Variants in DCXR observed in about 807,000 individuals in gnomAD.
DCXR encodes dicarbonyl and L-xylulose reductase.
DCXR carries 24 observed loss-of-function variants against 25.9 expected under a neutral mutation model. That is an observed-to-expected ratio of 0.93 (90% CI 0.67 to 1.30). The LOEUF (loss-of-function observed/expected upper bound fraction) is 1.30. Ranked by LOEUF, DCXR falls within the 50% of genes most tolerant of loss-of-function variation. The probability of loss-of-function intolerance (pLI) is 0.00; values close to 1 mark genes in which losing one functional copy is unlikely to be tolerated. For synonymous variants in DCXR, 161 were observed against 141.7 expected (o/e 1.14, Z -0.97); for missense variants, 348 against 333.7 (o/e 1.04, Z -0.33).
Position 82,037,008 on chromosome 17 carries a change from C to T in DCXR, c.156G>A (p.Pro52=), listed in dbSNP as rs1169998172. 3 of 1,560,910 alleles carry T rather than the reference C, an allele frequency of 1.9e-6. No individual in the cohort carries two copies. Among genetic ancestry groups the T allele is most frequent in the South Asian group, 2.3e-5 (2 of 85,462 alleles). ...ADLDSLVREC[P]GIEPVCVDLG... ...GGTCCACGCACACGGGTTCTATCCCCGGGCACTGTGTGTATCAGGGGGCAG... is the reference window on the plus strand; with the variant it reads ...GGTCCACGCACACGGGTTCTATCCCTGGGCACTGTGTGTATCAGGGGGCAG... Residue 52 remains proline, a synonymous_variant, in exon 3 of 8, where the codon CCG becomes CCA. Transcript: ENST00000306869.
In DCXR at chr17:82,036,319, A is replaced by T. The variant is rs2043490904; in HGVS notation, c.514-11T>A. 6.2e-7 allele frequency: 1 copy of T among 1,613,270 alleles called. No homozygotes were observed. Among genetic ancestry groups the T allele is most frequent in the Non-Finnish European group, 8.5e-7 (1 of 1,179,998 alleles). ...TGCATTCACTCGGATCTACACCGGG[A>T]CAGCTGGGGTCAGCAGGGCAAGTGG... is the stretch of plus-strand genomic sequence containing the variant. On this transcript the variant is annotated splice_polypyrimidine_tract_variant and intron_variant, in intron 6 of 7. Transcript: ENST00000306869.
Position 82,035,883 on chromosome 17 carries a change from GGCA to G in DCXR, c.*74_*76del. The G allele has an allele frequency of 7.6e-7, 1 of 1,323,110 alleles. No homozygotes were observed. The highest frequency in any genetic ancestry group is 1.2e-5 in the South Asian group (1 of 83,320). 82.0% of individuals were successfully genotyped at this position (1,323,110 alleles called of 1,614,324 possible). On this transcript the variant is annotated 3_prime_UTR_variant, in exon 8 of 8. Coordinates refer to ENST00000306869, the MANE Select transcript of DCXR (RefSeq NM_016286.4). ...CAGCCTAGGAATAGCACATAGTCTG[GGCA>G]GCAGAATCAGGTTTATTGGAGGGAT...
rs2043500708 is a variant in DCXR at position 82,037,030 on chromosome 17, G to A, written c.151-17C>T. On this transcript the variant is annotated splice_polypyrimidine_tract_variant and intron_variant, in intron 2 of 7. Transcript: ENST00000306869. ...CCCCGGGCACTGTGTGTATCAGGGG[G>A]CAGTTACCAGAGGCTCTGTGCCCAG... The A allele has an allele frequency of 1.9e-6, 3 of 1,551,526 alleles. No individual in the cohort carries two copies. Among genetic ancestry groups the A allele is most frequent in the South Asian group, 1.2e-5 (1 of 84,476 alleles).
In DCXR at chr17:82,035,997, G is replaced by GA; in HGVS notation, c.697dup (p.Ser233PhefsTer46). The GA allele has an allele frequency of 6.2e-7, 1 of 1,613,338 alleles. No individual in the cohort carries two copies. Among genetic ancestry groups the GA allele is most frequent in the Non-Finnish European group, 8.5e-7 (1 of 1,180,026 alleles). On this transcript the variant is annotated frameshift_variant, in exon 8 of 8. Coordinates refer to ENST00000306869, the MANE Select transcript of DCXR (RefSeq NM_016286.4). LOFTEE classifies it high-confidence loss of function. ...GAAGCCCCCTTCCACCGGCAAAGTG[G>GA]AACCCGTGGTCATGCCACTTCGGTC...
chr17:82,037,284 C>G, intron 2 of DCXR, 166 bp downstream of exon 2: 1 of 953,320 alleles, frequency 1.0e-6, no homozygotes, highest in Non-Finnish European at 1.5e-6. Flanking sequence ...CCCGGCCGCC[C>G]ACGCAGGCCA....
At position 82,036,779 on chromosome 17, in the gene DCXR, C is replaced by T. The variant is rs768028653; in HGVS notation, c.306-16G>A. 10 of 1,613,578 alleles carry T rather than the reference C, an allele frequency of 6.2e-6. No individual in the cohort carries two copies. Among genetic ancestry groups the T allele is most frequent in the South Asian group, 1.1e-5 (1 of 91,090 alleles). Reference sequence around the variant, plus strand: ...CTCAAAGGATCTAGAGGCCGAGGGACAGACCCTGGTCAGAGATTAGGGCTG... The same window carrying T: ...CTCAAAGGATCTAGAGGCCGAGGGATAGACCCTGGTCAGAGATTAGGGCTG... On this transcript the variant is annotated splice_polypyrimidine_tract_variant and intron_variant, in intron 3 of 7. Coordinates refer to ENST00000306869, the MANE Select transcript of DCXR (RefSeq NM_016286.4).
chr17:82,037,400 G>A, intron 2 of DCXR, 50 bp downstream of exon 2: 4 of 1,493,232 alleles, frequency 2.7e-6, no homozygotes, highest in Non-Finnish European at 3.6e-6. Flanking sequence ...GCTCGCTGCC[G>A]CCCCCTCCTG....
chr17:82,035,929 C>T lies in DCXR; in HGVS notation c.*31G>A, dbSNP rs75500599. The T allele has an allele frequency of 1.2e-3, 1,916 of 1,572,174 alleles. 28 individuals carry two copies. In the East Asian group the frequency reaches 0.029, roughly 24 times the overall value. On this transcript the variant is annotated 3_prime_UTR_variant, in exon 8 of 8. Transcript: ENST00000306869. ...GGAGGGATTGGGGGTAGGATGAGCA[C>T]GGCATGGGGCTTGAGGTGTGTGGAG...
Position 82,036,656 on chromosome 17 carries a change from C to T in DCXR, c.349-13G>A, listed in dbSNP as rs1446446602. 9 of 1,613,244 alleles carry T rather than the reference C, an allele frequency of 5.6e-6. No individual in the cohort carries two copies. Among genetic ancestry groups the T allele is most frequent in the African/African-American group, 1.3e-5 (1 of 74,882 alleles). ...CCCTGGCCACAATCTGGAATCGCAGCGAGACCGTGAGGCAGAGCTGGCATC... is the reference window on the plus strand; with the variant it reads ...CCCTGGCCACAATCTGGAATCGCAGTGAGACCGTGAGGCAGAGCTGGCATC... On this transcript the variant is annotated splice_polypyrimidine_tract_variant and intron_variant, in intron 4 of 7. Transcript: ENST00000306869.
rs766258659 is a variant in DCXR at position 82,036,240 on chromosome 17, G to T, written c.582C>A (p.Pro194=). ...TSMGQATWSD[P]HKAKTMLNRI... is the part of the protein sequence containing the mutation. ...GGTTCAGCATAGTCTTGGCCTTGTGGGGGTCACTCCAGGTGGCCTGGCCCA... is the reference window on the plus strand; with the variant it reads ...GGTTCAGCATAGTCTTGGCCTTGTGTGGGTCACTCCAGGTGGCCTGGCCCA... Residue 194 remains proline (P), a synonymous_variant, in exon 7 of 8, where the codon CCC becomes CCA. Transcript: ENST00000306869. The T allele has an allele frequency of 1.2e-6, 2 of 1,613,468 alleles. No individual in the cohort carries two copies. Among genetic ancestry groups the T allele is most frequent in the Non-Finnish European group, 1.7e-6 (2 of 1,179,992 alleles).
At chr17:82,037,115 A>C (rs1296517783) in intron 2 of DCXR, 102 bp from the exon 3 acceptor site, 3 of 1,455,504 alleles carry the variant, frequency 2.1e-6, no homozygotes, top group African/African-American at 1.4e-5. Flanking sequence ...TAAAGGAGTT[A>C]GGAGTTCCGA....
chr17:82,036,656 C>A lies in DCXR; in HGVS notation c.349-13G>T. 10 of 1,613,362 alleles carry A rather than the reference C, an allele frequency of 6.2e-6. No individual in the cohort carries two copies. The highest frequency in any genetic ancestry group is 8.5e-6 in the Non-Finnish European group (10 of 1,179,980). ...CCCTGGCCACAATCTGGAATCGCAG[C>A]GAGACCGTGAGGCAGAGCTGGCATC... On this transcript the variant is annotated splice_polypyrimidine_tract_variant and intron_variant, in intron 4 of 7. Coordinates refer to ENST00000306869, the MANE Select transcript of DCXR (RefSeq NM_016286.4).
Position 82,036,194 on chromosome 17 carries a change from CA to C in DCXR, c.627del (p.Phe209LeufsTer4). 6.2e-7 allele frequency: 1 copy of C among 1,613,500 alleles called. No homozygotes were observed. The highest frequency in any genetic ancestry group is 1.1e-5 in the South Asian group (1 of 91,054). On this transcript the variant is annotated frameshift_variant, in exon 7 of 8. Coordinates refer to ENST00000306869, the MANE Select transcript of DCXR (RefSeq NM_016286.4). LOFTEE classifies it high-confidence loss of function. ...GCTGGGCTCCCACCTGACTCACCAG[CA>C]AACTTGCCAAGTGGGATTCGGTTCA... The part of the protein sequence containing the change: ...TMLNRIPLGK[F>X]AEVEHVVNAI...
chr17:82,037,195 G>A lies in DCXR; in HGVS notation c.151-182C>T, dbSNP rs1315822416. On this transcript the variant is annotated intron_variant, in intron 2 of 7. Coordinates refer to ENST00000306869, the MANE Select transcript of DCXR (RefSeq NM_016286.4). ...CGGTTCACTTCCTCCCTGCGCCCGA[G>A]CGACTCCTGCCCGGGGCCTGCTTCG... 1.1e-4 allele frequency: 93 copies of A among 878,274 alleles called. 1 individual carries two copies. In the East Asian group the frequency reaches 2.3e-3, roughly 22 times the overall value. 54.4% of individuals were successfully genotyped at this position (878,274 alleles called of 1,614,324 possible).
At position 82,036,464 on chromosome 17, in the gene DCXR, C is replaced by G. The variant is rs2144168477; in HGVS notation, c.449-16G>C. On this transcript the variant is annotated splice_polypyrimidine_tract_variant and intron_variant, in intron 5 of 7. Transcript: ENST00000306869. ...TTGGTGGAGCCTACGAAGAGGAACC[C>G]AAGCTGGCTGGGGCTGGGGTCGGTG... 1 of 1,613,374 alleles carries G rather than the reference C, an allele frequency of 6.2e-7. No homozygotes were observed. The highest frequency in any genetic ancestry group is 8.5e-7 in the Non-Finnish European group (1 of 1,179,958).
At chr17:82,036,494 G>C (rs370292802) in intron 5 of DCXR, 46 bp from the exon 6 acceptor site, 1 of 1,612,888 alleles carries the variant, frequency 6.2e-7, no homozygotes, top group Non-Finnish European at 8.5e-7. Context: ...TCGGTGATGA[G>C]GGCGAGGCTG....
In DCXR at chr17:82,037,526, T is replaced by A; in HGVS notation, c.74A>T (p.Gln25Leu). The change falls in exon 2 of 8, where the codon CAG becomes CTG. Residue 25 changes from glutamine to leucine, a missense_variant. Physicochemically the swap from Gln to Leu is moderately radical, Grantham distance 113. Transcript: ENST00000306869. Reference sequence around the variant, plus strand: ...CCGCGCGCCCGTCGCGTGCAGCGCCTGGACCGTGCCGCGCCCTATACCTGC... The same window carrying A: ...CCGCGCGCCCGTCGCGTGCAGCGCCAGGACCGTGCCGCGCCCTATACCTGC... ...AGKGIGRGTV[Q>L]ALHATGARVV... 1 of 1,545,260 alleles carries A rather than the reference T, an allele frequency of 6.5e-7. No homozygotes were observed. Among genetic ancestry groups the A allele is most frequent in the South Asian group, 1.2e-5 (1 of 84,912 alleles).
In DCXR at chr17:82,036,955, G is replaced by A. The variant is rs112076446; in HGVS notation, c.209C>T (p.Ala70Val). ...DLGDWEATER[A>V]LGSVGPVDLL... ...GTCCACGGGGCCCACGCTGCCCAGC[G>A]CCCGCTCGGTGGCCTCCCAGTCACC... The change falls in exon 3 of 8, where the codon GCG becomes GTG. Residue 70 changes from alanine to valine, a missense_variant. Coordinates refer to ENST00000306869, the MANE Select transcript of DCXR (RefSeq NM_016286.4). 8.1e-6 allele frequency: 13 copies of A among 1,600,760 alleles called. No homozygotes were observed. Among genetic ancestry groups the A allele is most frequent in the African/African-American group, 4.0e-5 (3 of 74,526 alleles).
rs775453313 is a variant in DCXR at position 82,037,694 on chromosome 17, C to A, written c.-12G>T. The A allele has an allele frequency of 6.9e-6, 11 of 1,583,514 alleles. No individual in the cohort carries two copies. The highest frequency in any genetic ancestry group is 6.8e-6 in the Non-Finnish European group (8 of 1,172,880). The stretch of plus-strand genomic sequence containing the variant: ...AGGAACAGCTCCATGTCGGCGCAGT[C>A]TCCGCCCTCCGCACTGGGGCTGCGG... On this transcript the variant is annotated 5_prime_UTR_variant, in exon 1 of 8. Transcript: ENST00000306869.
Sources: gnomAD v4.1 joint callset for allele counts on GRCh38, gnomAD v4.1.1 for gene constraint, MANE v1.5 for transcripts, NCBI Gene and HGNC (gene_info 2026-07-23, HGNC 2026-07-21) for gene names.